GPC6: variants seen among roughly 807,000 people sequenced by gnomAD.
GPC6 encodes glypican 6.
A neutral mutation model predicts 55.2 loss-of-function variants in GPC6; 14 were observed. That is an observed-to-expected ratio of 0.25 (90% CI 0.17 to 0.40). GPC6 has a LOEUF of 0.40. GPC6 is among the 10% of genes least tolerant of loss of function. The pLI, the probability that GPC6 is intolerant of heterozygous loss-of-function variation, is 1.00. For synonymous variants in GPC6, 278 were observed against 259.6 expected (o/e 1.07, Z -0.68); for missense variants, 641 against 708.5 (o/e 0.90, Z 1.08).
intron 1 of GPC6, among the ~76,000 whole-genome samples, chr13:93,536,596 G>A (rs950778476): frequency 1.3e-5 from 2 of 152,138 alleles, no homozygotes; most frequent in African/African-American, 2.4e-5. Context: ...CATTGTATGT[G>A]TATACTAGAA....
chr13:93,827,102 G>A (rs1482295247), intron 2 of GPC6, among the ~76,000 whole-genome samples: 1 of 152,174 alleles, frequency 6.6e-6, no homozygotes. Flanking sequence ...AAATCAAATA[G>A]CATTTCTTTC....
intron 2 of GPC6, among the ~76,000 whole-genome samples, chr13:93,677,317 A>G (rs1881672050): frequency 6.6e-6 from 1 of 152,128 alleles, no homozygotes; most frequent in Admixed American, 6.6e-5. Flanking sequence ...AGTTATCCCT[A>G]CAGGGGATAG....
At chr13:93,703,388 T>A (rs1243402062) in intron 2 of GPC6, among the ~76,000 whole-genome samples, 9 of 151,988 alleles carry the variant, frequency 5.9e-5, no homozygotes, top group Non-Finnish European at 1.3e-4. Context: ...TATAAAAGTT[T>A]GGAATATTGT....
intron 4 of GPC6, among the ~76,000 whole-genome samples, chr13:94,213,226 T>TCTCTTTCTCTC (rs1204397195): frequency 6.6e-6 from 1 of 152,142 alleles, no homozygotes; most frequent in Non-Finnish European, 1.5e-5. Flanking sequence ...GCTCTTCTCT[T>TCTCTTTCTCTC]CTCTTTCTCT....
At chr13:93,555,740 G>T (rs1337059099) in intron 2 of GPC6, among the ~76,000 whole-genome samples, 1 of 152,154 alleles carries the variant, frequency 6.6e-6, no homozygotes, top group Non-Finnish European at 1.5e-5. Context: ...GCGTGAATAA[G>T]AAATGTTTAA....
chr13:93,366,036 T>C (rs1313674296), intron 1 of GPC6, among the ~76,000 whole-genome samples: 2 of 152,044 alleles, frequency 1.3e-5, no homozygotes, highest in African/African-American at 4.8e-5. Context: ...ACAATCCAAG[T>C]AGTGGGGTGA....
intron 1 of GPC6, among the ~76,000 whole-genome samples, chr13:93,413,209 C>T (rs1876577382): frequency 2.0e-5 from 3 of 152,104 alleles, no homozygotes; most frequent in African/African-American, 7.2e-5. Flanking sequence ...ACGTGTTTCT[C>T]TTTACACTTA....
intron 1 of GPC6, among the ~76,000 whole-genome samples, chr13:93,389,660 T>G (rs1408213): frequency 0.064 from 9,786 of 152,130 alleles, 385 homozygotes; most frequent in African/African-American, 0.099. Context: ...ATGTTAAATA[T>G]GTACACGTTT....
chr13:93,319,483 A>G (rs993145926), intron 1 of GPC6, among the ~76,000 whole-genome samples: 2 of 152,166 alleles, frequency 1.3e-5, no homozygotes, highest in Non-Finnish European at 2.9e-5. Context: ...ATGTGATGCT[A>G]TTACTGTCAG....
At chr13:94,250,978 A>G (rs953149649) in intron 4 of GPC6, among the ~76,000 whole-genome samples, 1 of 152,290 alleles carries the variant, frequency 6.6e-6, no homozygotes, top group Admixed American at 6.5e-5. Context: ...AACCATGTTA[A>G]GTAAATAGGG....
chr13:93,440,081 G>A (rs1460864674), intron 1 of GPC6, among the ~76,000 whole-genome samples: 2 of 152,148 alleles, frequency 1.3e-5, no homozygotes, highest in African/African-American at 2.4e-5. Flanking sequence ...ATCAATAAGT[G>A]AGTTAATACA....
intron 1 of GPC6, among the ~76,000 whole-genome samples, chr13:93,447,334 CATGTTTAGGAGAGATT>C (rs1878045135): frequency 6.6e-6 from 1 of 152,176 alleles, no homozygotes; most frequent in Admixed American, 6.5e-5. Flanking sequence ...GTTCTCATCA[CATGTTTAGGAGAGATT>C]ATGTTAACCT....
At chr13:93,975,934 C>T (rs779768620) in intron 3 of GPC6, among the ~76,000 whole-genome samples, 28 of 152,080 alleles carry the variant, frequency 1.8e-4, no homozygotes, top group Non-Finnish European at 1.5e-4. Context: ...CCATCATAAT[C>T]GTATTTTCAC....
chr13:93,606,428 C>A (rs769791887), intron 2 of GPC6, among the ~76,000 whole-genome samples: 9 of 152,148 alleles, frequency 5.9e-5, no homozygotes, highest in Non-Finnish European at 7.4e-5. Context: ...TTTTCCTGGG[C>A]AGTCATCTTT....
intron 3 of GPC6, among the ~76,000 whole-genome samples, chr13:94,000,979 G>A (rs537319106): frequency 9.9e-5 from 15 of 152,084 alleles, no homozygotes; most frequent in Non-Finnish European, 1.9e-4. Flanking sequence ...CTTCTCCCTC[G>A]AGTAAATGCC....
intron 2 of GPC6, among the ~76,000 whole-genome samples, chr13:93,647,056 G>A (rs890365893): frequency 2.0e-5 from 3 of 152,082 alleles, no homozygotes; most frequent in Admixed American, 2.0e-4. Flanking sequence ...GAGACATCAA[G>A]ATATGGTCTT....
At chr13:93,672,362 A>G (rs1881396118) in intron 2 of GPC6, among the ~76,000 whole-genome samples, 1 of 152,024 alleles carries the variant, frequency 6.6e-6, no homozygotes, top group Non-Finnish European at 1.5e-5. Flanking sequence ...AGGAAACATC[A>G]GAAATGATTT....
intron 2 of GPC6, among the ~76,000 whole-genome samples, chr13:93,652,435 T>TAC (rs1445411588): frequency 6.6e-6 from 1 of 152,210 alleles, no homozygotes; most frequent in African/African-American, 2.4e-5. Context: ...TGAACTCAGA[T>TAC]AACAAGAGCA....
At chr13:93,379,853 C>G (rs566357777) in intron 1 of GPC6, among the ~76,000 whole-genome samples, 1 of 148,058 alleles carries the variant, frequency 6.8e-6, no homozygotes, top group Non-Finnish European at 1.5e-5. Context: ...ATTAATGAAA[C>G]AAAAAGGTGC....
Sources: gnomAD v4.1 joint callset for allele counts (sites outside exome capture counted in the v4.1 genomes callset) on GRCh38, gnomAD v4.1.1 for gene constraint, MANE v1.5 for transcripts, NCBI Gene and HGNC (gene_info 2026-07-23, HGNC 2026-07-21) for gene names.